The following C8A variants were observed in gnomAD, a reference collection of about 807,000 sequenced individuals.
C8A encodes the protein complement component C8 alpha chain.
C8A carries 67 observed loss-of-function variants against 65.3 expected under a neutral mutation model. The observed-to-expected ratio is 1.03, with a 90% CI of 0.84 to 1.26. The LOEUF is 1.26. Ranked by LOEUF, C8A falls within the 50% of genes most tolerant of loss-of-function variation. C8A has a pLI of 0.00. For synonymous variants in C8A, 290 were observed against 259.4 expected, an observed-to-expected ratio of 1.12 and a Z score of -1.13; for missense variants, 781 against 723.9, an observed-to-expected ratio of 1.08 and a Z score of -0.90.
chr1:56,917,447 A>AGG, intron 10 of C8A, 118 bp from the exon 11 acceptor site: 1 of 969,724 alleles, frequency 1.0e-6, no homozygotes, highest in African/African-American at 1.6e-5. Flanking sequence ...CGACCAGAGG[A>AGG]GGGGAGGCCA....
At position 56,883,657 on chromosome 1, in the gene C8A, CG is replaced by C. The variant is rs754956501; in HGVS notation, c.832del (p.Glu278AsnfsTer2). The C allele has an allele frequency of 2.4e-5, 38 of 1,613,404 alleles. No homozygotes were observed. Among genetic ancestry groups the C allele is most frequent in the Non-Finnish European group, 2.8e-5 (33 of 1,179,702 alleles). On this transcript the variant is annotated frameshift_variant, in exon 6 of 11. Coordinates refer to ENST00000361249, the MANE Select transcript of C8A (RefSeq NM_000562.3). LOFTEE classifies it high-confidence loss of function. Reference protein sequence around the residue: ...SHSQDTSFLNELNKYNEKKFI... With the variant: ...SHSQDTSFLNXLNKYNEKKFI... ...ACTCACAAGACACTTCATTCTTGAACGAATTAAACAAGTATAATGAGAAGGT... is the reference window on the plus strand; with the variant it reads ...ACTCACAAGACACTTCATTCTTGAACAATTAAACAAGTATAATGAGAAGGT...
chr1:56,894,628 A>C (rs1644374187), intron 7 of C8A, among the ~76,000 whole-genome samples: 1 of 152,042 alleles, frequency 6.6e-6, no homozygotes, highest in Admixed American at 6.6e-5. Flanking sequence ...AGAAGTTAAA[A>C]CCTCACCAAA....
chr1:56,872,771 G>T (rs1644158828), intron 2 of C8A, among the ~76,000 whole-genome samples: 1 of 152,110 alleles, frequency 6.6e-6, no homozygotes, highest in African/African-American at 2.4e-5. Flanking sequence ...TTATAGAAAT[G>T]TATTTAATGT....
chr1:56,906,539 C>A (rs1003544772), intron 7 of C8A, 128 bp from the exon 8 acceptor site: 1 of 1,003,626 alleles, frequency 1.0e-6, no homozygotes, highest in Non-Finnish European at 1.6e-6. Flanking sequence ...ATTAAAGAAC[C>A]GGGCTTTCAA....
At chr1:56,865,091 T>A (rs1015828809) in intron 1 of C8A, among the ~76,000 whole-genome samples, 1 of 152,210 alleles carries the variant, frequency 6.6e-6, no homozygotes, top group Non-Finnish European at 1.5e-5. Flanking sequence ...TAAACCTCAA[T>A]CCTTGAATAG....
intron 7 of C8A, among the ~76,000 whole-genome samples, chr1:56,905,012 C>T (rs1644453249): frequency 6.6e-6 from 1 of 152,208 alleles, no homozygotes; most frequent in South Asian, 2.1e-4. Context: ...TGGCTTCTGC[C>T]AGTGAATTCT....
Position 56,876,165 on chromosome 1 carries a change from C to A in C8A, c.420C>A (p.Cys140Ter), listed in dbSNP as rs1644196817. 4 of 1,613,790 alleles carry A rather than the reference C, an allele frequency of 2.5e-6. No individual in the cohort carries two copies. The highest frequency in any genetic ancestry group is 1.7e-6 in the Non-Finnish European group (2 of 1,179,884). ...CEDVRAIDED[C>*]SQYEPIPGSQ... ...ATGTCAGGGCCATTGACGAAGACTGCAGCCAGTATGAACCAATTCCAGGAT... is the reference window on the plus strand; with the variant it reads ...ATGTCAGGGCCATTGACGAAGACTGAAGCCAGTATGAACCAATTCCAGGAT... The change falls in exon 4 of 11, where the codon TGC becomes TGA. Residue 140 changes from cysteine to a stop codon, truncating the protein, a stop_gained. Coordinates refer to ENST00000361249, the MANE Select transcript of C8A (RefSeq NM_000562.3). LOFTEE classifies it high-confidence loss of function.
chr1:56,863,653 A>C (rs1292445584), intron 1 of C8A, among the ~76,000 whole-genome samples: 1 of 152,138 alleles, frequency 6.6e-6, no homozygotes, highest in Non-Finnish European at 1.5e-5. Context: ...CCCCCACTTC[A>C]AACTTTTATT....
At chr1:56,898,097 G>C (rs1486639445) in intron 7 of C8A, among the ~76,000 whole-genome samples, 1 of 152,158 alleles carries the variant, frequency 6.6e-6, no homozygotes, top group Non-Finnish European at 1.5e-5. Flanking sequence ...GCATGGGAAT[G>C]GTTGGGGCAG....
chr1:56,872,732 G>A (rs561813509), intron 2 of C8A, among the ~76,000 whole-genome samples: 3 of 152,220 alleles, frequency 2.0e-5, no homozygotes, highest in Middle Eastern at 3.4e-3. Flanking sequence ...AGATATATTT[G>A]GCTGAAGTCA....
chr1:56,902,328 A>T (rs1240743139), intron 7 of C8A, among the ~76,000 whole-genome samples: 1 of 152,082 alleles, frequency 6.6e-6, no homozygotes, highest in African/African-American at 2.4e-5. Flanking sequence ...CCTCAAGACA[A>T]CTCTCTGGAG....
At chr1:56,855,596 C>T (rs781144619) in intron 1 of C8A, among the ~76,000 whole-genome samples, 9 of 150,220 alleles carry the variant, frequency 6.0e-5, no homozygotes, top group Non-Finnish European at 1.2e-4. Context: ...TTGTGTTTTA[C>T]CCATTCTATT....
chr1:56,886,240 C>T (rs1644299483), intron 7 of C8A, 73 bp downstream of exon 7: 11 of 1,569,356 alleles, frequency 7.0e-6, no homozygotes, highest in East Asian at 2.2e-5. Flanking sequence ...GTTTTCTAAG[C>T]ACTGACTATG....
intron 1 of C8A, among the ~76,000 whole-genome samples, chr1:56,860,648 A>G (rs1570311376): frequency 6.6e-6 from 1 of 152,190 alleles, no homozygotes; most frequent in East Asian, 1.9e-4. Context: ...TAAGTTTGCC[A>G]TGTCTAAGAG....
At chr1:56,864,664 A>G (rs961770849) in intron 1 of C8A, among the ~76,000 whole-genome samples, 13 of 152,144 alleles carry the variant, frequency 8.5e-5, no homozygotes, top group African/African-American at 3.1e-4. Context: ...GTTTATAAGG[A>G]TGATGAGTCT....
chr1:56,889,591 G>T (rs1570338424), intron 7 of C8A, among the ~76,000 whole-genome samples: 1 of 151,264 alleles, frequency 6.6e-6, no homozygotes, highest in Admixed American at 6.6e-5. Context: ...TGATCTATAT[G>T]CTATTAATTT....
rs74075638 is a variant in C8A at position 56,885,915 on chromosome 1, G to A, written c.856-12G>A. ...TTGTTCTTTTGCTTTATTCAATGGC[G>A]GTTGCTGGCAGAAATTCATTTTCAC... is the stretch of plus-strand genomic sequence containing the variant. On this transcript the variant is annotated splice_polypyrimidine_tract_variant and intron_variant, in intron 6 of 10. Transcript: ENST00000361249. 9.3e-4 allele frequency: 1,493 copies of A among 1,613,672 alleles called. 12 individuals carry two copies. The African/African-American group carries it at 0.018, about 19-fold the overall frequency.
chr1:56,906,979 A>G (rs1182383635), intron 8 of C8A, among the ~76,000 whole-genome samples, 187 bp downstream of exon 8: 1 of 152,218 alleles, frequency 6.6e-6, no homozygotes, highest in Non-Finnish European at 1.5e-5. Context: ...ATGGGCTTAA[A>G]ATCACCTTAG....
At chr1:56,883,798 G>A (rs1162388502) in intron 6 of C8A, 117 bp downstream of exon 6, 3 of 858,962 alleles carry the variant, frequency 3.5e-6, no homozygotes, top group Admixed American at 2.2e-5. Flanking sequence ...TTGTGTAATT[G>A]GAAATGTCTG....
Sources: allele counts gnomAD v4.1 joint callset (sites outside exome capture counted in the v4.1 genomes callset), GRCh38; gene constraint gnomAD v4.1.1; transcripts MANE v1.5; gene names NCBI Gene and HGNC (gene_info 2026-07-23, HGNC 2026-07-21).